The following MACROD2 variants were observed in gnomAD, a reference collection of about 807,000 sequenced individuals.
MACROD2 encodes the protein ADP-ribose glycohydrolase MACROD2.
In MACROD2, 36 loss-of-function variants were observed where a neutral mutation model predicts 70.4. The observed-to-expected ratio is 0.51, with a 90% confidence interval of 0.39 to 0.68. The LOEUF is 0.68. MACROD2 is among the 30% of genes least tolerant of loss of function. The pLI is 0.00. For missense variants in MACROD2, 496 were observed against 538.4 expected (o/e 0.92, Z 0.78); for synonymous variants, 172 against 178.8 (o/e 0.96, Z 0.30).
intron 5 of MACROD2, among the ~76,000 whole-genome samples, chr20:14,718,254 C>T (rs1393887462): frequency 2.4e-5 from 3 of 125,226 alleles, no homozygotes; most frequent in Admixed American, 1.0e-4. Context: ...GATCACACCA[C>T]TGCACTCCAG....
intron 3 of MACROD2, among the ~76,000 whole-genome samples, chr20:14,270,061 A>G (rs2082178226): frequency 6.6e-6 from 1 of 152,184 alleles, no homozygotes; most frequent in African/African-American, 2.4e-5. Context: ...CAGCTGCCAC[A>G]TGAAAAATGA....
At chr20:15,333,494 CAA>C (rs905330518) in intron 6 of MACROD2, among the ~76,000 whole-genome samples, 1 of 151,438 alleles carries the variant, frequency 6.6e-6, no homozygotes, top group Non-Finnish European at 1.5e-5. Flanking sequence ...GAAATTTTCT[CAA>C]GAGCTTGGAG....
chr20:15,396,563 G>A (rs2045862770), intron 6 of MACROD2, among the ~76,000 whole-genome samples: 2 of 152,156 alleles, frequency 1.3e-5, no homozygotes. Flanking sequence ...TTAAGAACAA[G>A]GACACCAGGG....
At chr20:15,530,514 C>A (rs367913297) in intron 8 of MACROD2, among the ~76,000 whole-genome samples, 5 of 151,878 alleles carry the variant, frequency 3.3e-5, no homozygotes, top group Middle Eastern at 3.4e-3. Context: ...GGGCGGATCA[C>A]GAGGTTAGGA....
intron 5 of MACROD2, among the ~76,000 whole-genome samples, chr20:15,130,460 C>G (rs1294452027): frequency 6.6e-6 from 1 of 151,900 alleles, no homozygotes; most frequent in African/African-American, 2.4e-5. Context: ...TGAAAACACC[C>G]TACTCTCATC....
intron 3 of MACROD2, among the ~76,000 whole-genome samples, chr20:14,468,114 T>G (rs1421443775): frequency 6.6e-6 from 1 of 152,080 alleles, no homozygotes; most frequent in African/African-American, 2.4e-5. Flanking sequence ...GTTCTGTAGA[T>G]GCCTATTAGG....
intron 3 of MACROD2, among the ~76,000 whole-genome samples, chr20:14,285,532 C>T (rs1270996085): frequency 6.6e-6 from 1 of 151,920 alleles, no homozygotes; most frequent in Non-Finnish European, 1.5e-5. Context: ...TAATAAGTCT[C>T]CTCTATTAGG....
intron 12 of MACROD2, among the ~76,000 whole-genome samples, chr20:15,956,536 T>C (rs1410514954): frequency 6.6e-6 from 1 of 152,180 alleles, no homozygotes; most frequent in East Asian, 1.9e-4. Flanking sequence ...GTGAGGATAC[T>C]TATCCAAAAG....
intron 5 of MACROD2, among the ~76,000 whole-genome samples, chr20:15,192,144 C>T (rs2076576910): frequency 6.6e-6 from 1 of 151,762 alleles, no homozygotes; most frequent in South Asian, 2.1e-4. Context: ...CCCTTTCCTT[C>T]CCACCTTTCT....
chr20:14,006,150 G>GC (rs1334930279), intron 2 of MACROD2, among the ~76,000 whole-genome samples: 1 of 152,186 alleles, frequency 6.6e-6, no homozygotes, highest in African/African-American at 2.4e-5. Flanking sequence ...TAGCCTAGGA[G>GC]CAATTGGCTG....
intron 3 of MACROD2, among the ~76,000 whole-genome samples, chr20:14,290,758 C>T (rs182500786): frequency 6.6e-6 from 1 of 152,354 alleles, no homozygotes; most frequent in African/African-American, 2.4e-5. Flanking sequence ...ATCCACCCGC[C>T]TCAGCCTCCC....
intron 6 of MACROD2, among the ~76,000 whole-genome samples, chr20:15,250,774 T>C (rs1254885406): frequency 1.3e-5 from 2 of 152,204 alleles, no homozygotes; most frequent in Admixed American, 6.5e-5. Context: ...TACATTTATA[T>C]TTGTATGCTT....
At chr20:14,368,697 T>G (rs1331848073) in intron 3 of MACROD2, among the ~76,000 whole-genome samples, 1 of 152,254 alleles carries the variant, frequency 6.6e-6, no homozygotes, top group Non-Finnish European at 1.5e-5. Context: ...AATTTTTTAA[T>G]GTAGTATTGT....
intron 6 of MACROD2, among the ~76,000 whole-genome samples, chr20:15,412,939 A>T (rs1056431249): frequency 6.6e-6 from 1 of 152,368 alleles, no homozygotes; most frequent in African/African-American, 2.4e-5. Flanking sequence ...AGATGGTCAT[A>T]TCTGCATTGC....
chr20:15,511,276 A>G (rs957181042), intron 8 of MACROD2, among the ~76,000 whole-genome samples: 4 of 152,218 alleles, frequency 2.6e-5, no homozygotes, highest in Non-Finnish European at 4.4e-5. Context: ...TAAACCATTG[A>G]CTGAAATAAG....
intron 6 of MACROD2, among the ~76,000 whole-genome samples, chr20:15,258,163 G>A (rs894689377): frequency 6.6e-5 from 10 of 151,918 alleles, no homozygotes; most frequent in African/African-American, 2.2e-4. Context: ...AAGTCAAAAC[G>A]TTTAAACAAA....
chr20:15,226,029 C>T (rs991944511), intron 5 of MACROD2, among the ~76,000 whole-genome samples: 2 of 152,150 alleles, frequency 1.3e-5, no homozygotes, highest in East Asian at 3.8e-4. Context: ...ATGATTGATG[C>T]TCATTTATCT....
intron 8 of MACROD2, among the ~76,000 whole-genome samples, chr20:15,637,333 CTTCTTAT>C (rs2049385516): frequency 6.6e-6 from 1 of 152,188 alleles, no homozygotes; most frequent in African/African-American, 2.4e-5. Context: ...GTGAATTGAG[CTTCTTAT>C]TCCTATTGGC....
chr20:15,990,995 T>C (rs1294407392), intron 15 of MACROD2, among the ~76,000 whole-genome samples: 1 of 152,128 alleles, frequency 6.6e-6, no homozygotes, highest in African/African-American at 2.4e-5. Context: ...AAATCATAGG[T>C]TTTCCTCAGT....
Sources: gnomAD v4.1 joint callset for allele counts (sites outside exome capture counted in the v4.1 genomes callset) on GRCh38, gnomAD v4.1.1 for gene constraint, MANE v1.5 for transcripts, NCBI Gene and HGNC (gene_info 2026-07-23, HGNC 2026-07-21) for gene names.